The following STAB2 variants were observed in gnomAD, a reference collection of about 807,000 sequenced individuals.
The protein encoded by STAB2 is stabilin-2.
A neutral mutation model predicts 338.1 loss-of-function variants in STAB2; 288 were observed. The observed-to-expected ratio is 0.85, with a 90% CI of 0.77 to 0.94. The LOEUF (loss-of-function observed/expected upper bound fraction) is 0.94, where lower values mean the gene tolerates loss of function less well. STAB2 is among the 40% of genes least tolerant of loss of function. STAB2 has a pLI of 0.00. For synonymous variants in STAB2, 1,202 were observed against 1,193.3 expected (o/e 1.01, Z -0.15); for missense variants, 3,141 against 3,210.1 (o/e 0.98, Z 0.52).
rs560050973 is a variant in STAB2 at position 103,742,301 on chromosome 12, C to A, written c.5882-104C>A. On this transcript the variant is annotated intron_variant, in intron 55 of 68. Transcript: ENST00000388887. ...ATCCACTGACACTGAAGGCGATGGT[C>A]CCTCTGGGCTAACAGAAGTCAGATG... 1.6e-5 allele frequency: 23 copies of A among 1,464,866 alleles called. No individual in the cohort carries two copies. In the African/African-American group the frequency reaches 3.2e-4, roughly 21 times the overall value. The allele number at this position is 1,464,866 out of a possible 1,614,324, so 90.7% of individuals were successfully genotyped here.
intron 9 of STAB2, among the ~76,000 whole-genome samples, chr12:103,648,119 A>G (rs973987937): frequency 3.9e-5 from 6 of 152,322 alleles, no homozygotes; most frequent in East Asian, 3.9e-4. Flanking sequence ...GATCGCTGCT[A>G]TGGAGAAGAG....
chr12:103,662,674 A>G (rs1007868863), intron 17 of STAB2, among the ~76,000 whole-genome samples, 172 bp from the exon 18 acceptor site: 5 of 152,222 alleles, frequency 3.3e-5, no homozygotes, highest in African/African-American at 4.8e-5. Flanking sequence ...GAACAGATTC[A>G]ATCTTTCCCT....
chr12:103,706,429 C>G (rs183501527), intron 37 of STAB2, among the ~76,000 whole-genome samples: 16 of 152,264 alleles, frequency 1.1e-4, no homozygotes, highest in Non-Finnish European at 2.4e-4. Context: ...GTGAAGGGGC[C>G]CAGATCTGGG....
intron 68 of STAB2, 103 bp from the exon 69 acceptor site, chr12:103,766,183 G>T: frequency 6.8e-7 from 1 of 1,461,194 alleles, no homozygotes; most frequent in Non-Finnish European, 9.6e-7. Context: ...CGTGTTCACA[G>T]TGCTCAGGGA....
rs369001061 is a variant in STAB2, at chr12:103,746,023, C to T, written c.6137-574C>T. ...CTGGGGTCACAGGGCATGGCGAGGC[C>T]CTACCTGTGGGCTTTAGCAACCTGA... On this transcript the variant is annotated intron_variant, in intron 57 of 68. Transcript: ENST00000388887. Among the ~76,000 whole-genome samples, 29 of 152,276 alleles carry T rather than the reference C, an allele frequency of 1.9e-4. 2 individuals carry two copies. Among genetic ancestry groups the T allele is most frequent in the African/African-American group, 7.0e-4 (29 of 41,544 alleles).
At chr12:103,758,476 C>G (rs1884297944) in intron 64 of STAB2, among the ~76,000 whole-genome samples, 187 bp downstream of exon 64, 1 of 152,236 alleles carries the variant, frequency 6.6e-6, no homozygotes, top group Non-Finnish European at 1.5e-5. Flanking sequence ...GTCAGCTGCT[C>G]TAGCTGGGCC....
At chr12:103,610,365 G>T (rs1230136684) in intron 3 of STAB2, among the ~76,000 whole-genome samples, 3 of 152,098 alleles carry the variant, frequency 2.0e-5, no homozygotes, top group Admixed American at 2.0e-4. Context: ...CAATTTCAGA[G>T]CCTGTTATTG....
At chr12:103,734,773 T>C (rs1012357649) in intron 51 of STAB2, among the ~76,000 whole-genome samples, 1 of 152,132 alleles carries the variant, frequency 6.6e-6, no homozygotes, top group Non-Finnish European at 1.5e-5. Context: ...GGAGGTGAGA[T>C]GTCGGAGATG....
In STAB2 at chr12:103,749,056, G is replaced by T. The variant is rs1449448703; in HGVS notation, c.6338G>T (p.Gly2113Val). The T allele has an allele frequency of 6.2e-7, 1 of 1,614,126 alleles. No homozygotes were observed. Among genetic ancestry groups the T allele is most frequent in the African/African-American group, 1.3e-5 (1 of 75,032 alleles). Residue 2113 changes from glycine to valine, a missense_variant, in exon 59 of 69, where the codon GGA becomes GTA. Physicochemically the swap from Gly to Val is moderately radical, Grantham distance 109 (BLOSUM62 -3). Coordinates refer to ENST00000388887, the MANE Select transcript of STAB2 (RefSeq NM_017564.10). ...AAGGTCTCCTGCAGCTGCCAGAAGG[G>T]ATACAAAGGGGACGGGCACAGCTGC... ...GTKVSCSCQKGYKGDGHSCTE... is the reference protein window; with the variant it reads ...GTKVSCSCQKVYKGDGHSCTE...
intron 51 of STAB2, 144 bp from the exon 52 acceptor site, chr12:103,735,347 T>C: frequency 1.8e-6 from 1 of 545,738 alleles, no homozygotes; most frequent in Non-Finnish European, 3.2e-6. Flanking sequence ...CCATTGGTTA[T>C]ACCTACGGTC....
intron 21 of STAB2, 79 bp from the exon 22 acceptor site, chr12:103,670,617 C>T: frequency 8.9e-7 from 1 of 1,129,118 alleles, no homozygotes. Context: ...AATCTGAATT[C>T]AAAGAAGTCA....
chr12:103,685,214 T>G, intron 27 of STAB2, 130 bp downstream of exon 27: 1 of 854,696 alleles, frequency 1.2e-6, no homozygotes, highest in Non-Finnish European at 1.8e-6. Flanking sequence ...AAGCTGTTTC[T>G]CACAGATGAC....
chr12:103,720,022 A>G (rs1454144353), intron 44 of STAB2, among the ~76,000 whole-genome samples: 1 of 152,198 alleles, frequency 6.6e-6, no homozygotes, highest in Non-Finnish European at 1.5e-5. Context: ...CTTCTTCTTC[A>G]ATTGAGGCTC....
Position 103,737,663 on chromosome 12 carries a change from C to T in STAB2, c.5580C>T (p.Cys1860=). The change falls in exon 53 of 69, where the codon TGC becomes TGT. Residue 1860 remains cysteine, a synonymous_variant. Coordinates refer to ENST00000388887, the MANE Select transcript of STAB2 (RefSeq NM_017564.10). Reference sequence around the variant, plus strand: ...ACCTCTTTCTGAATGGCCAAACCTGCAGAATTGTGCAGCGGGAGCTCTTGT... The same window carrying T: ...ACCTCTTTCTGAATGGCCAAACCTGTAGAATTGTGCAGCGGGAGCTCTTGT... ...IGDLFLNGQT[C]RIVQRELLFD... is the part of the protein sequence containing the mutation. 1 of 1,599,308 alleles carries T rather than the reference C, an allele frequency of 6.3e-7. No homozygotes were observed. Among genetic ancestry groups the T allele is most frequent in the Non-Finnish European group, 8.5e-7 (1 of 1,174,182 alleles).
intron 9 of STAB2, among the ~76,000 whole-genome samples, chr12:103,646,356 G>A (rs1192452291): frequency 6.6e-6 from 1 of 152,028 alleles, no homozygotes; most frequent in Non-Finnish European, 1.5e-5. Flanking sequence ...CTCTCTACGG[G>A]CTGTCCTGGT....
chr12:103,683,660 C>T (rs574370938), intron 26 of STAB2, among the ~76,000 whole-genome samples: 1 of 152,260 alleles, frequency 6.6e-6, no homozygotes, highest in Admixed American at 6.5e-5. Context: ...ATTTGCTAAA[C>T]CTGGCACCTC....
chr12:103,730,127 T>C lies in STAB2; in HGVS notation c.5094T>C (p.Tyr1698=), dbSNP rs1881516831. 1 of 1,603,006 alleles carries C rather than the reference T, an allele frequency of 6.2e-7. No individual in the cohort carries two copies. The highest frequency in any genetic ancestry group is 1.1e-5 in the South Asian group (1 of 88,762). Residue 1698 remains tyrosine (Y), a synonymous_variant, in exon 49 of 69, where the codon TAT becomes TAC. Transcript: ENST00000388887. ...TTGGTTGATTTCAGAGCACGGTGTA[T>C]ATAAACAATAAGGCTAAGATCATAT... ...IVISVSQSTV[Y]INNKAKIISS...
Position 103,670,778 on chromosome 12 carries a change from C to G in STAB2, c.2342C>G (p.Pro781Arg). The G allele has an allele frequency of 6.2e-7, 1 of 1,614,074 alleles. No individual in the cohort carries two copies. The highest frequency in any genetic ancestry group is 8.5e-7 in the Non-Finnish European group (1 of 1,180,006). The change falls in exon 22 of 69, where the codon CCC (proline) becomes CGC (arginine). Residue 781 changes from proline to arginine, a missense_variant. Coordinates refer to ENST00000388887, the MANE Select transcript of STAB2 (RefSeq NM_017564.10). The stretch of plus-strand genomic sequence containing the variant: ...TCCCAGTGTCAGTTCTGCTCTGATC[C>G]CAATAAATACGGACCTCGGTGTAAC... The part of the protein sequence containing the change: ...QGSQCQFCSD[P>R]NKYGPRCNKK...
chr12:103,606,915 T>C (rs771419752), intron 3 of STAB2, among the ~76,000 whole-genome samples: 1 of 151,998 alleles, frequency 6.6e-6, no homozygotes, highest in Non-Finnish European at 1.5e-5. Context: ...ACTCGGGAGG[T>C]GGAGGGTGCC....
Sources: allele counts gnomAD v4.1 joint callset (sites outside exome capture counted in the v4.1 genomes callset), GRCh38; gene constraint gnomAD v4.1.1; transcripts MANE v1.5; gene names NCBI Gene and HGNC (gene_info 2026-07-23, HGNC 2026-07-21).